Variants in TMEM117 observed in about 807,000 individuals in gnomAD.
TMEM117 encodes transmembrane protein 117.
Under a neutral mutation model 52.4 loss-of-function variants are expected in TMEM117, and 27 were observed. The observed-to-expected ratio is 0.51, with a 90% CI of 0.38 to 0.71. TMEM117 has a LOEUF of 0.71. Among genes scored for constraint, TMEM117 ranks in the 30% least tolerant of loss-of-function variants. The pLI, the probability that TMEM117 is intolerant of heterozygous loss-of-function variation, is 0.00. For synonymous variants in TMEM117, 215 were observed against 206.3 expected (o/e 1.04, Z -0.36); for missense variants, 556 against 630.5 (o/e 0.88, Z 1.26).
At chr12:44,073,500 T>C (rs1443177618) in intron 3 of TMEM117, 2 of 152,208 alleles carry the variant, frequency 1.3e-5, no homozygotes, top group African/African-American at 4.8e-5. Flanking sequence ...TTTCAATTCA[T>C]ACTATTATTG....
intron 5 of TMEM117, among the ~76,000 whole-genome samples, chr12:44,281,480 G>T (rs2138595377): frequency 6.6e-6 from 1 of 152,104 alleles, no homozygotes; most frequent in Middle Eastern, 3.4e-3. Context: ...CTTGATTTAT[G>T]TAAACACTTT....
chr12:44,022,684 A>G (rs1388381069), intron 3 of TMEM117, among the ~76,000 whole-genome samples: 1 of 152,194 alleles, frequency 6.6e-6, no homozygotes, highest in Non-Finnish European at 1.5e-5. Flanking sequence ...GTAATTTTGT[A>G]TTGATGTGAA....
intron 2 of TMEM117, among the ~76,000 whole-genome samples, chr12:43,891,698 C>G (rs546684494): frequency 6.6e-6 from 1 of 152,196 alleles, no homozygotes; most frequent in Non-Finnish European, 1.5e-5. Flanking sequence ...AGCTTTCTAA[C>G]TGCTTTCTAG....
intron 2 of TMEM117, among the ~76,000 whole-genome samples, chr12:43,941,325 G>A (rs1439474674): frequency 6.6e-6 from 1 of 152,090 alleles, no homozygotes; most frequent in African/African-American, 2.4e-5. Context: ...CTGAATTCTG[G>A]GACCTATAGA....
intron 2 of TMEM117, among the ~76,000 whole-genome samples, chr12:43,905,767 G>A (rs1265413315): frequency 6.6e-6 from 1 of 152,126 alleles, no homozygotes; most frequent in Non-Finnish European, 1.5e-5. Flanking sequence ...AGAGAAGGGA[G>A]CAAACTCAGT....
intron 5 of TMEM117, among the ~76,000 whole-genome samples, chr12:44,222,084 T>C (rs1949796512): frequency 6.6e-6 from 1 of 152,180 alleles, no homozygotes; most frequent in Admixed American, 6.5e-5. Flanking sequence ...TCTTTGATGG[T>C]CTCAACTGTT....
At chr12:44,126,411 A>C (rs1293369240) in intron 3 of TMEM117, among the ~76,000 whole-genome samples, 2 of 152,178 alleles carry the variant, frequency 1.3e-5, no homozygotes, top group Non-Finnish European at 2.9e-5. Flanking sequence ...TATAAGGTGG[A>C]ATTTCTCTCC....
chr12:44,145,859 G>A (rs1948635574), intron 4 of TMEM117, among the ~76,000 whole-genome samples: 1 of 152,190 alleles, frequency 6.6e-6, no homozygotes, highest in Non-Finnish European at 1.5e-5. Context: ...AGGAGCTGAA[G>A]TTTGCAGGCT....
intron 3 of TMEM117, among the ~76,000 whole-genome samples, chr12:44,132,803 G>T (rs896273140): frequency 6.6e-6 from 1 of 151,978 alleles, no homozygotes; most frequent in Non-Finnish European, 1.5e-5. Context: ...TACTTCTAGG[G>T]TGCTGTTTAC....
chr12:43,999,764 T>G (rs1946088069), intron 3 of TMEM117, among the ~76,000 whole-genome samples: 1 of 152,166 alleles, frequency 6.6e-6, no homozygotes, highest in South Asian at 2.1e-4. Context: ...AGTGCTGGGA[T>G]TACAGATGTG....
chr12:43,804,596 A>G, the TMEM117 span: 2 of 1,531,752 alleles, frequency 1.3e-6, no homozygotes, highest in African/African-American at 2.8e-5. Context: ...TAAAGAAAGT[A>G]AACTTTTTAT....
At chr12:44,152,352 A>G (rs1205351965) in intron 4 of TMEM117, among the ~76,000 whole-genome samples, 2 of 111,646 alleles carry the variant, frequency 1.8e-5, no homozygotes, top group Non-Finnish European at 3.3e-5. Context: ...AAATTTATAT[A>G]TTTATATGTA....
the TMEM117 span, among the ~76,000 whole-genome samples, chr12:43,812,938 C>G: frequency 6.6e-6 from 1 of 150,984 alleles, no homozygotes; most frequent in African/African-American, 2.4e-5. Flanking sequence ...CCCAGGAGTT[C>G]AAGGCTGCAG....
intron 5 of TMEM117, among the ~76,000 whole-genome samples, chr12:44,261,929 A>G (rs750230147): frequency 6.6e-6 from 1 of 152,186 alleles, no homozygotes; most frequent in Non-Finnish European, 1.5e-5. Context: ...TTGGGTATGA[A>G]TTACAAGTTA....
At chr12:44,036,525 A>G (rs1235610570) in intron 3 of TMEM117, among the ~76,000 whole-genome samples, 1 of 152,154 alleles carries the variant, frequency 6.6e-6, no homozygotes, top group Admixed American at 6.5e-5. Flanking sequence ...TTTTTCACTC[A>G]ACTTTATTTT....
chr12:43,907,297 A>G (rs2137521460), intron 2 of TMEM117, among the ~76,000 whole-genome samples: 1 of 151,646 alleles, frequency 6.6e-6, no homozygotes, highest in African/African-American at 2.4e-5. Context: ...TGTCTGTTAG[A>G]AGGAAAACTA....
At chr12:44,059,626 C>CATTTTG (rs1947108577) in intron 3 of TMEM117, among the ~76,000 whole-genome samples, 1 of 152,180 alleles carries the variant, frequency 6.6e-6, no homozygotes, top group African/African-American at 2.4e-5. Context: ...GCATAATTTT[C>CATTTTG]ATTTTGTCAG....
intron 3 of TMEM117, among the ~76,000 whole-genome samples, chr12:44,102,252 C>T (rs1001058830): frequency 6.6e-6 from 1 of 151,980 alleles, no homozygotes; most frequent in Non-Finnish European, 1.5e-5. Context: ...CTGTAAGGAA[C>T]ATTTCCCACA....
chr12:44,147,921 G>A (rs1486089921), intron 4 of TMEM117, among the ~76,000 whole-genome samples: 1 of 144,428 alleles, frequency 6.9e-6, no homozygotes, highest in Non-Finnish European at 1.5e-5. Context: ...GATAGAGCGA[G>A]ACTCTGTCTC....
Sources: allele counts gnomAD v4.1 joint callset (sites outside exome capture counted in the v4.1 genomes callset), GRCh38; gene constraint gnomAD v4.1.1; transcripts MANE v1.5; gene names NCBI Gene and HGNC (gene_info 2026-07-23, HGNC 2026-07-21).